Variants in CMTM7 observed in about 807,000 individuals in gnomAD.
The protein encoded by CMTM7 is CKLF-like MARVEL transmembrane domain-containing protein 7.
In CMTM7, 7 loss-of-function variants were observed where a neutral mutation model predicts 19.3. That is an observed-to-expected ratio of 0.36 (90% CI 0.21 to 0.68). The LOEUF (loss-of-function observed/expected upper bound fraction) is 0.68, where lower values mean the gene tolerates loss of function less well. Among genes scored for constraint, CMTM7 ranks in the 30% least tolerant of loss-of-function variants. The pLI, the probability that CMTM7 is intolerant of heterozygous loss-of-function variation, is 0.60. For synonymous variants in CMTM7, 87 were observed against 99.3 expected, an observed-to-expected ratio of 0.88 and a Z score of 0.74; for missense variants, 193 against 232.6, an observed-to-expected ratio of 0.83 and a Z score of 1.11.
At chr3:32,429,704 C>A (rs1254959691) in intron 1 of CMTM7, among the ~76,000 whole-genome samples, 1 of 149,376 alleles carries the variant, frequency 6.7e-6, no homozygotes, top group African/African-American at 2.5e-5. Context: ...AGGTTGACGC[C>A]ATTCTCCTGC....
chr3:32,437,579 A>G (rs766868931), intron 1 of CMTM7, among the ~76,000 whole-genome samples: 1 of 151,936 alleles, frequency 6.6e-6, no homozygotes, highest in Non-Finnish European at 1.5e-5. Context: ...CCTGGGTGAC[A>G]GAGTGAGACT....
At chr3:32,396,865 G>GT (rs1314680775) in intron 1 of CMTM7, among the ~76,000 whole-genome samples, 1 of 152,238 alleles carries the variant, frequency 6.6e-6, no homozygotes, top group Non-Finnish European at 1.5e-5. Context: ...TATCCTTGCT[G>GT]TGGGATTAAG....
chr3:32,426,434 A>G (rs754272857), intron 1 of CMTM7, among the ~76,000 whole-genome samples: 7 of 152,240 alleles, frequency 4.6e-5, no homozygotes, highest in Non-Finnish European at 1.0e-4. Context: ...AGAATTTTAA[A>G]AAACACAGAA....
intron 1 of CMTM7, among the ~76,000 whole-genome samples, chr3:32,418,602 C>G (rs1032084165): frequency 1.3e-5 from 2 of 152,106 alleles, no homozygotes; most frequent in South Asian, 2.1e-4. Context: ...GGCCAGGGGT[C>G]GTTGTTTTAT....
At chr3:32,431,897 C>T (rs1237959442) in intron 1 of CMTM7, among the ~76,000 whole-genome samples, 2 of 152,194 alleles carry the variant, frequency 1.3e-5, no homozygotes, top group East Asian at 1.9e-4. Flanking sequence ...TTTGGGAGAC[C>T]GAGGTGAGCA....
chr3:32,445,403 T>C (rs1696739568), intron 2 of CMTM7, among the ~76,000 whole-genome samples: 1 of 152,196 alleles, frequency 6.6e-6, no homozygotes, highest in African/African-American at 2.4e-5. Flanking sequence ...CTTTGTTGAG[T>C]GTTTTTATCA....
At position 32,449,624 on chromosome 3, in the gene CMTM7, A is replaced by G. The variant is rs1696801157; in HGVS notation, c.432+72A>G. On this transcript the variant is annotated intron_variant, in intron 3 of 4. Coordinates refer to ENST00000334983, the MANE Select transcript of CMTM7 (RefSeq NM_138410.4). This position sits in a 1 kb window ranked among gnomAD's most constrained non-coding sequence, Gnocchi z 4.5. ...TGCTCATTTTCTTCCTGATGGGGGA[A>G]GAGAAGGGCTTGGTTTCTGGGGCAT... 3 of 1,198,156 alleles carry G rather than the reference A, an allele frequency of 2.5e-6. No individual in the cohort carries two copies. In the South Asian group the frequency reaches 3.6e-5, roughly 14 times the overall value. The allele number at this position is 1,198,156 out of a possible 1,614,324, so 74.2% of individuals were successfully genotyped here.
At chr3:32,429,246 C>G (rs1696478374) in intron 1 of CMTM7, among the ~76,000 whole-genome samples, 1 of 151,502 alleles carries the variant, frequency 6.6e-6, no homozygotes, top group Non-Finnish European at 1.5e-5. Flanking sequence ...CCCCTCCCCT[C>G]TTTTGTCTTA....
At chr3:32,406,968 C>G (rs574337533) in intron 1 of CMTM7, among the ~76,000 whole-genome samples, 50 of 152,298 alleles carry the variant, frequency 3.3e-4, no homozygotes, top group African/African-American at 1.2e-3. Context: ...CAAGGGAAAT[C>G]ACTAGCAGAA....
At chr3:32,440,629 T>A (rs865910486) in intron 1 of CMTM7, among the ~76,000 whole-genome samples, 11 of 151,992 alleles carry the variant, frequency 7.2e-5, no homozygotes, top group African/African-American at 2.2e-4. Flanking sequence ...AATATGAAAA[T>A]TAGCCAGGCA....
intron 3 of CMTM7, chr3:32,451,962 T>C: frequency 1.4e-6 from 1 of 720,786 alleles, no homozygotes; most frequent in South Asian, 1.5e-5. Flanking sequence ...AGAAAGTCAT[T>C]ACAAATGAAA....
intron 1 of CMTM7, among the ~76,000 whole-genome samples, chr3:32,407,270 A>G (rs563855862): frequency 1.3e-5 from 2 of 152,290 alleles, no homozygotes; most frequent in Middle Eastern, 6.8e-3. Flanking sequence ...CATGCCAGGC[A>G]GCTGCCTTAC....
At chr3:32,438,208 G>A (rs1025981212) in intron 1 of CMTM7, among the ~76,000 whole-genome samples, 1 of 152,212 alleles carries the variant, frequency 6.6e-6, no homozygotes, top group African/African-American at 2.4e-5. Flanking sequence ...CTGGCGGGAG[G>A]AGGGCAGGGA....
At chr3:32,400,178 C>A (rs1473366312) in intron 1 of CMTM7, among the ~76,000 whole-genome samples, 1 of 151,914 alleles carries the variant, frequency 6.6e-6, no homozygotes, top group African/African-American at 2.4e-5. Context: ...TGCCACCACA[C>A]CCGGCTAATT....
chr3:32,402,995 G>T (rs1696032605), intron 1 of CMTM7, among the ~76,000 whole-genome samples: 1 of 152,204 alleles, frequency 6.6e-6, no homozygotes, highest in African/African-American at 2.4e-5. Flanking sequence ...TTACTGTATC[G>T]TGACTTCTGA....
chr3:32,392,075 C>T lies in CMTM7; in HGVS notation c.159+10C>T. The T allele has an allele frequency of 1.6e-6, 2 of 1,232,738 alleles. No individual in the cohort carries two copies. The highest frequency in any genetic ancestry group is 2.0e-6 in the Non-Finnish European group (2 of 986,366). 76.4% of individuals were successfully genotyped at this position (1,232,738 alleles called of 1,614,324 possible). A position where few individuals can be genotyped will look rare whatever the true frequency, so the allele number is the denominator to read the frequency against. Reference sequence around the variant, plus strand: ...GAAAGTGGCGCAAATGGTAAGTGAGCGCGGGGCGCGAGGCCGAGGTTCTAC... The same window carrying T: ...GAAAGTGGCGCAAATGGTAAGTGAGTGCGGGGCGCGAGGCCGAGGTTCTAC... On this transcript the variant is annotated intron_variant, in intron 1 of 4. Coordinates refer to ENST00000334983, the MANE Select transcript of CMTM7 (RefSeq NM_138410.4).
At chr3:32,445,611 C>G (rs752832369) in intron 2 of CMTM7, among the ~76,000 whole-genome samples, 4 of 152,140 alleles carry the variant, frequency 2.6e-5, no homozygotes, top group Middle Eastern at 3.4e-3. Context: ...TTCTCAGGCT[C>G]AAGCGATCCT....
chr3:32,416,172 A>C (rs1559405537), intron 1 of CMTM7, among the ~76,000 whole-genome samples: 1 of 150,284 alleles, frequency 6.7e-6, no homozygotes, highest in Non-Finnish European at 1.5e-5. Context: ...TAATTATGAT[A>C]TATATGTGCA....
chr3:32,416,188 G>A (rs1696258709), intron 1 of CMTM7, among the ~76,000 whole-genome samples: 1 of 125,366 alleles, frequency 8.0e-6, no homozygotes, highest in Non-Finnish European at 1.7e-5. Flanking sequence ...GTGCACATAA[G>A]TACTTTTTTG....
Sources: gnomAD v4.1 joint callset for allele counts (sites outside exome capture counted in the v4.1 genomes callset) on GRCh38, gnomAD v4.1.1 for gene constraint, Gnocchi (gnomAD v3.1) non-coding constraint, MANE v1.5 for transcripts, NCBI Gene and HGNC (gene_info 2026-07-23, HGNC 2026-07-21) for gene names.